The following TLL1 variants were observed in gnomAD, a reference collection of about 807,000 sequenced individuals.
TLL1 encodes the protein tolloid-like protein 1.
TLL1 carries 49 observed loss-of-function variants against 128.2 expected under a neutral mutation model. That is an observed-to-expected ratio of 0.38 (90% CI 0.30 to 0.48). The LOEUF (loss-of-function observed/expected upper bound fraction) is 0.48, where lower values mean the gene tolerates loss of function less well. Among genes scored for constraint, TLL1 ranks in the 20% least tolerant of loss-of-function variants. The probability of loss-of-function intolerance (pLI) is 0.96; values close to 1 mark genes in which losing one functional copy is unlikely to be tolerated. For synonymous variants in TLL1, 454 were observed against 418.8 expected (o/e 1.08, Z -1.03); for missense variants, 1,123 against 1,242.0 (o/e 0.90, Z 1.44).
intron 1 of TLL1, among the ~76,000 whole-genome samples, chr4:165,923,621 G>C (rs1372375014): frequency 6.6e-6 from 1 of 151,596 alleles, no homozygotes; most frequent in Non-Finnish European, 1.5e-5. Flanking sequence ...ATTTTTAGTA[G>C]AGACGGGGTT....
At chr4:166,067,343 T>C (rs1261998855) in intron 16 of TLL1, among the ~76,000 whole-genome samples, 1 of 151,854 alleles carries the variant, frequency 6.6e-6, no homozygotes, top group Non-Finnish European at 1.5e-5. Context: ...CTTTCTGATA[T>C]TTTTGGTCAG....
intron 1 of TLL1, among the ~76,000 whole-genome samples, chr4:165,956,626 G>A (rs563492016): frequency 1.3e-5 from 2 of 151,396 alleles, no homozygotes; most frequent in Non-Finnish European, 2.9e-5. Context: ...CTTTTTCAAG[G>A]TGCACTGATT....
intron 1 of TLL1, among the ~76,000 whole-genome samples, chr4:165,931,636 G>A (rs1366242434): frequency 2.6e-5 from 4 of 151,586 alleles, no homozygotes; most frequent in South Asian, 2.1e-4. Context: ...GGAGAGTGGC[G>A]TGAACCAGGG....
chr4:165,935,000 A>G (rs1255905276), intron 1 of TLL1, among the ~76,000 whole-genome samples: 5 of 152,200 alleles, frequency 3.3e-5, no homozygotes, highest in Non-Finnish European at 4.4e-5. Flanking sequence ...TACTGAGATT[A>G]TAAAGGGAAT....
At chr4:165,957,195 G>A (rs1429467257) in intron 1 of TLL1, among the ~76,000 whole-genome samples, 1 of 152,020 alleles carries the variant, frequency 6.6e-6, no homozygotes, top group African/African-American at 2.4e-5. Context: ...AAAGAGCAGG[G>A]GTTGTTGTTC....
At chr4:166,041,579 G>A (rs1246616049) in intron 10 of TLL1, among the ~76,000 whole-genome samples, 4 of 151,982 alleles carry the variant, frequency 2.6e-5, no homozygotes, top group South Asian at 2.1e-4. Context: ...GATTACAGGC[G>A]TGAGCCACTG....
intron 9 of TLL1, among the ~76,000 whole-genome samples, chr4:166,027,867 T>C (rs1738579952): frequency 6.6e-6 from 1 of 152,138 alleles, no homozygotes; most frequent in African/African-American, 2.4e-5. Flanking sequence ...CCATTAGCAT[T>C]GAGCTAATTT....
intron 11 of TLL1, among the ~76,000 whole-genome samples, 175 bp from the exon 12 acceptor site, chr4:166,043,099 G>T (rs1739310594): frequency 6.6e-6 from 1 of 151,740 alleles, no homozygotes; most frequent in African/African-American, 2.4e-5. Context: ...ACTTTACTAG[G>T]TTTTTTTTAC....
rs1439829718 is a variant in TLL1, at chr4:165,975,101, T to C, written c.170-14280T>C. On this transcript the variant is annotated intron_variant, in intron 1 of 20. Coordinates refer to ENST00000061240, the MANE Select transcript of TLL1 (RefSeq NM_012464.5). ...GGTTGGAAGGAGCTACGCCCTTATATACCCTTCTAGACCAGTCATTAGATG... is the reference window on the plus strand; with the variant it reads ...GGTTGGAAGGAGCTACGCCCTTATACACCCTTCTAGACCAGTCATTAGATG... Among the ~76,000 whole-genome samples, 3 of 152,330 alleles carry C rather than the reference T, an allele frequency of 2.0e-5. No homozygotes were observed. The East Asian group carries it at 5.8e-4, about 29-fold the overall frequency.
intron 18 of TLL1, among the ~76,000 whole-genome samples, chr4:166,085,838 T>A (rs1361608556): frequency 1.3e-5 from 2 of 152,134 alleles, no homozygotes; most frequent in Admixed American, 6.6e-5. Flanking sequence ...AAGAAAATTG[T>A]CACTGAAGAC....
At chr4:165,978,141 A>G (rs1163926258) in intron 1 of TLL1, among the ~76,000 whole-genome samples, 2 of 152,150 alleles carry the variant, frequency 1.3e-5, no homozygotes, top group Non-Finnish European at 2.9e-5. Flanking sequence ...TACAATAGCC[A>G]AGGCTTATTT....
At chr4:166,012,981 GT>G (rs1737768457) in intron 7 of TLL1, among the ~76,000 whole-genome samples, 1 of 151,722 alleles carries the variant, frequency 6.6e-6, no homozygotes, top group South Asian at 2.1e-4. Context: ...TAGATTAACA[GT>G]TGTCCTCAGA....
At chr4:166,007,269 A>G (rs889865609) in intron 6 of TLL1, among the ~76,000 whole-genome samples, 3 of 151,798 alleles carry the variant, frequency 2.0e-5, no homozygotes, top group Non-Finnish European at 3.0e-5. Context: ...TCTGTTAAAA[A>G]TGAAGATGTC....
rs1298862715 is a variant in TLL1, at chr4:165,974,414, AC to A, written c.170-14966del. Among the ~76,000 whole-genome samples the A allele has an allele frequency of 3.1e-5, 4 of 130,952 alleles. 1 individual carries two copies. The highest frequency in any genetic ancestry group is 1.8e-4 in the African/African-American group (4 of 21,872). 85.9% of individuals were successfully genotyped at this position (130,952 alleles called of 152,430 possible). A position where few individuals can be genotyped will look rare whatever the true frequency, so the allele number is the denominator to read the frequency against. ...CTCGGCCTCCCAAAGTGCTGGGATT[AC>A]AGGCGTGAGCCACCGCGCCTGGCCT... is the stretch of plus-strand genomic sequence containing the variant. On this transcript the variant is annotated intron_variant, in intron 1 of 20. Coordinates refer to ENST00000061240, the MANE Select transcript of TLL1 (RefSeq NM_012464.5).
At chr4:165,875,945 C>G (rs1579429323) in intron 1 of TLL1, among the ~76,000 whole-genome samples, 1 of 151,750 alleles carries the variant, frequency 6.6e-6, no homozygotes, top group East Asian at 1.9e-4. Context: ...CTTTTTGTTT[C>G]CCCTTTGATG....
chr4:165,879,952 T>C (rs1730904839), intron 1 of TLL1, among the ~76,000 whole-genome samples: 1 of 151,976 alleles, frequency 6.6e-6, no homozygotes, highest in Non-Finnish European at 1.5e-5. Context: ...CCTTCCTAAA[T>C]TGAGGAGTGC....
intron 5 of TLL1, among the ~76,000 whole-genome samples, chr4:165,997,609 T>C (rs1375986896): frequency 6.6e-6 from 1 of 152,220 alleles, no homozygotes; most frequent in East Asian, 1.9e-4. Flanking sequence ...CTGTGTCTTT[T>C]AGAACATTAA....
chr4:166,090,982 T>TTA, intron 18 of TLL1, 146 bp from the exon 19 acceptor site: 1 of 463,988 alleles, frequency 2.2e-6, no homozygotes, highest in Non-Finnish European at 3.5e-6. Context: ...TTTATTGATT[T>TTA]CACCTTTCTT....
chr4:165,998,692 G>T (rs1737005024), intron 5 of TLL1, among the ~76,000 whole-genome samples: 2 of 151,802 alleles, frequency 1.3e-5, no homozygotes, highest in Non-Finnish European at 2.9e-5. Context: ...AGCTACTCGG[G>T]AGGCTGAGGC....
Sources: gnomAD v4.1 joint callset for allele counts (sites outside exome capture counted in the v4.1 genomes callset) on GRCh38, gnomAD v4.1.1 for gene constraint, MANE v1.5 for transcripts, NCBI Gene and HGNC (gene_info 2026-07-23, HGNC 2026-07-21) for gene names.